The following ASZ1 variants were observed in gnomAD, a reference collection of about 807,000 sequenced individuals.
The protein encoded by ASZ1 is ankyrin repeat, SAM and basic leucine zipper domain containing 1, also known as ankyrin repeat, SAM and basic leucine zipper domain-containing protein 1.
Under a neutral mutation model 61.8 loss-of-function variants are expected in ASZ1, and 67 were observed. That is an observed-to-expected ratio of 1.08 (90% CI 0.89 to 1.33). The LOEUF is 1.33. ASZ1 is among the 40% of genes most tolerant of loss of function. ASZ1 has a pLI of 0.00. For missense variants in ASZ1, 577 were observed against 554.5 expected (o/e 1.04, Z -0.41); for synonymous variants, 193 against 192.7 (o/e 1.00, Z -0.01).
chr7:117,424,209 A>G (rs575401834), intron 2 of ASZ1, among the ~76,000 whole-genome samples: 1 of 152,346 alleles, frequency 6.6e-6, no homozygotes, highest in South Asian at 2.1e-4. Flanking sequence ...GATAGTACAC[A>G]GAATAACAAA....
chr7:117,368,805 C>T (rs1258520534), intron 10 of ASZ1, 88 bp from the exon 11 acceptor site: 2 of 1,571,606 alleles, frequency 1.3e-6, no homozygotes, highest in Non-Finnish European at 1.7e-6. Flanking sequence ...AAAATCTAGT[C>T]ATAAAATTAG....
intron 4 of ASZ1, among the ~76,000 whole-genome samples, chr7:117,391,436 A>C (rs969300856): frequency 2.0e-5 from 3 of 152,112 alleles, no homozygotes; most frequent in Admixed American, 1.3e-4. Flanking sequence ...TTGTAGTTTG[A>C]AATCTTGCAT....
At chr7:117,364,264 T>C (rs1225105853) in intron 12 of ASZ1, among the ~76,000 whole-genome samples, 3 of 152,186 alleles carry the variant, frequency 2.0e-5, no homozygotes, top group Non-Finnish European at 4.4e-5. Flanking sequence ...GTTCTTTTAG[T>C]AATTCTCAGC....
intron 7 of ASZ1, among the ~76,000 whole-genome samples, chr7:117,382,602 C>T (rs1277688412): frequency 1.3e-5 from 2 of 151,960 alleles, no homozygotes; most frequent in South Asian, 2.1e-4. Context: ...TTATTTTTGG[C>T]CATGTACTCA....
intron 4 of ASZ1, among the ~76,000 whole-genome samples, chr7:117,390,150 G>T (rs1347648518): frequency 6.7e-6 from 1 of 149,412 alleles, no homozygotes; most frequent in Admixed American, 6.7e-5. Flanking sequence ...GGGCACATAG[G>T]TTGGTTCTAT....
At chr7:117,374,125 G>T (rs181445277) in intron 10 of ASZ1, among the ~76,000 whole-genome samples, 1 of 151,854 alleles carries the variant, frequency 6.6e-6, no homozygotes, top group African/African-American at 2.4e-5. Context: ...TTTAATATGG[G>T]GAATATTTAT....
intron 2 of ASZ1, 82 bp downstream of exon 2, chr7:117,426,754 G>T (rs1797224491): frequency 8.2e-7 from 1 of 1,213,862 alleles, no homozygotes; most frequent in Middle Eastern, 2.0e-4. Context: ...CATTAGAAAA[G>T]CAACATAAAC....
rs770772573 is a variant in ASZ1, at chr7:117,384,864, T to TA, written c.553-5dup. ...GACGTGCTGCCCACGTTAAAGCCTG[T>TA]AAGTAGGGGGAAAAGAAGATTGTTT... On this transcript the variant is annotated splice_region_variant and splice_polypyrimidine_tract_variant and intron_variant, in intron 5 of 12. Coordinates refer to ENST00000284629, the MANE Select transcript of ASZ1 (RefSeq NM_130768.3). The TA allele has an allele frequency of 6.4e-7, 1 of 1,565,844 alleles. No individual in the cohort carries two copies. The highest frequency in any genetic ancestry group is 8.6e-7 in the Non-Finnish European group (1 of 1,162,514).
chr7:117,426,862 G>C lies in ASZ1; in HGVS notation c.179C>G (p.Ser60Ter). 1 of 1,613,194 alleles carries C rather than the reference G, an allele frequency of 6.2e-7. No individual in the cohort carries two copies. The highest frequency in any genetic ancestry group is 8.5e-7 in the Non-Finnish European group (1 of 1,179,774). Residue 60 changes from serine (S) to a stop codon, truncating the protein, a stop_gained, in exon 2 of 13, where the codon TCA becomes TGA. Coordinates refer to ENST00000284629, the MANE Select transcript of ASZ1 (RefSeq NM_130768.3). LOFTEE classifies it high-confidence loss of function. Reference sequence around the variant, plus strand: ...AGAATCTAGGAGCTCCTGGACCAATGAAACATCTCCGATGGTCATTGCTTT... The same window carrying C: ...AGAATCTAGGAGCTCCTGGACCAATCAAACATCTCCGATGGTCATTGCTTT... Reference protein sequence around the residue: ...FKKAMTIGDVSLVQELLDSGI... With the variant: ...FKKAMTIGDV
intron 10 of ASZ1, among the ~76,000 whole-genome samples, 183 bp downstream of exon 10, chr7:117,379,755 T>C (rs1796214292): frequency 6.6e-6 from 1 of 151,874 alleles, no homozygotes; most frequent in African/African-American, 2.4e-5. Flanking sequence ...TCTTGGTAAA[T>C]GACTTTATAA....
In ASZ1 at chr7:117,407,243, T is replaced by C. The variant is rs117330756; in HGVS notation, c.440+12920A>G. Among the ~76,000 whole-genome samples the C allele has an allele frequency of 5.6e-3, 847 of 152,248 alleles. 4 individuals are homozygous for C. The highest frequency in any genetic ancestry group is 8.6e-3 in the Non-Finnish European group (587 of 68,004). On this transcript the variant is annotated intron_variant, in intron 4 of 12. Coordinates refer to ENST00000284629, the MANE Select transcript of ASZ1 (RefSeq NM_130768.3). Reference sequence around the variant, plus strand: ...ATGCTCAAGAAAGCTGATATACCTATACCAATATTAGATTAAGTATATTAT... The same window carrying C: ...ATGCTCAAGAAAGCTGATATACCTACACCAATATTAGATTAAGTATATTAT...
intron 10 of ASZ1, among the ~76,000 whole-genome samples, chr7:117,369,074 C>T (rs924609202): frequency 2.6e-5 from 4 of 152,058 alleles, no homozygotes; most frequent in Admixed American, 2.0e-4. Flanking sequence ...CCTAACAACC[C>T]CTATAGGATA....
chr7:117,387,480 A>T, intron 4 of ASZ1, among the ~76,000 whole-genome samples: 1 of 152,304 alleles, frequency 6.6e-6, no homozygotes, highest in African/African-American at 2.4e-5. Context: ...TTACCTGCAT[A>T]ATAACCCAAA....
chr7:117,426,812 A>G (rs759842454), intron 2 of ASZ1, 24 bp downstream of exon 2: 16 of 1,569,140 alleles, frequency 1.0e-5, no homozygotes, highest in Non-Finnish European at 1.3e-5. Context: ...CTGTGTTCAG[A>G]TGAAACTGTC....
At position 117,384,806 on chromosome 7, in the gene ASZ1, C is replaced by T; in HGVS notation, c.607G>A (p.Glu203Lys). ...TGTAGCATTTTATTAGCTCCAAGTT[C>T]AAGCAACTTCAAAACTATATTTTTA... Reference protein sequence around the residue: ...GHKNIVLKLLELGANKMLQTK... With the variant: ...GHKNIVLKLLKLGANKMLQTK... The change falls in exon 6 of 13, where the codon GAA becomes AAA. Residue 203 changes from glutamate to lysine, a missense_variant. Glu to Lys is a moderately conservative substitution (Grantham distance 56, BLOSUM62 1). Transcript: ENST00000284629. 6.2e-7 allele frequency: 1 copy of T among 1,609,682 alleles called. No individual in the cohort carries two copies. Among genetic ancestry groups the T allele is most frequent in the Non-Finnish European group, 8.5e-7 (1 of 1,178,476 alleles).
rs554810112 is a variant in ASZ1 at position 117,370,947 on chromosome 7, C to T, written c.1056-2230G>A. Among the ~76,000 whole-genome samples, 47 of 151,826 alleles carry T rather than the reference C, an allele frequency of 3.1e-4. No homozygotes were observed. In the South Asian group the frequency reaches 9.2e-3, roughly 30 times the overall value. On this transcript the variant is annotated intron_variant, in intron 10 of 12. Coordinates refer to ENST00000284629, the MANE Select transcript of ASZ1 (RefSeq NM_130768.3). Reference sequence around the variant, plus strand: ...TCAAGTGATTCTCATGCCTCAGCCACCTGAGTAGTTGGGATTACAGGTGTG... The same window carrying T: ...TCAAGTGATTCTCATGCCTCAGCCATCTGAGTAGTTGGGATTACAGGTGTG...
At chr7:117,374,989 G>A (rs1306139897) in intron 10 of ASZ1, among the ~76,000 whole-genome samples, 1 of 152,054 alleles carries the variant, frequency 6.6e-6, no homozygotes, top group Non-Finnish European at 1.5e-5. Context: ...GCAATGAGAG[G>A]TAGAAGGTGG....
At chr7:117,381,126 T>C in intron 8 of ASZ1, 59 bp from the exon 9 acceptor site, 1 of 1,415,348 alleles carries the variant, frequency 7.1e-7, no homozygotes, top group African/African-American at 1.5e-5. Flanking sequence ...GAAGGAGAAG[T>C]AGGCAAATGT....
intron 10 of ASZ1, among the ~76,000 whole-genome samples, chr7:117,379,188 C>T (rs2116463280): frequency 6.8e-6 from 1 of 146,554 alleles, no homozygotes; most frequent in East Asian, 2.0e-4. Context: ...CACACACACA[C>T]ACACACAAAT....
Sources: gnomAD v4.1 joint callset for allele counts (sites outside exome capture counted in the v4.1 genomes callset) on GRCh38, gnomAD v4.1.1 for gene constraint, MANE v1.5 for transcripts, NCBI Gene and HGNC (gene_info 2026-07-23, HGNC 2026-07-21) for gene names.